The following ACOXL variants were observed in gnomAD, a reference collection of about 807,000 sequenced individuals.
ACOXL encodes the protein acyl-CoA oxidase like.
In ACOXL, 70 loss-of-function variants were observed where a neutral mutation model predicts 71.9. The ratio of observed to expected loss-of-function variants is 0.97; its 90% CI spans 0.80 to 1.19. The LOEUF (loss-of-function observed/expected upper bound fraction) is 1.19, where lower values mean the gene tolerates loss of function less well. ACOXL is among the 50% of genes most tolerant of loss of function. The pLI, the probability that ACOXL is intolerant of heterozygous loss-of-function variation, is 0.00. For missense variants in ACOXL, 703 were observed against 736.3 expected (o/e 0.95, Z 0.52); for synonymous variants, 253 against 281.6 (o/e 0.90, Z 1.02).
At chr2:111,051,555 AC>A (rs2066289399) in intron 16 of ACOXL, among the ~76,000 whole-genome samples, 1 of 151,990 alleles carries the variant, frequency 6.6e-6, no homozygotes, top group Non-Finnish European at 1.5e-5. Flanking sequence ...TGCAACTTCC[AC>A]CTCCTGGGTT....
At chr2:111,063,212 C>T (rs1483382554) in intron 16 of ACOXL, among the ~76,000 whole-genome samples, 1 of 152,040 alleles carries the variant, frequency 6.6e-6, no homozygotes, top group Non-Finnish European at 1.5e-5. Context: ...GAAGAATATC[C>T]ATCAGTTCTT....
At chr2:111,014,785 A>G (rs1409552551) in intron 14 of ACOXL, among the ~76,000 whole-genome samples, 3 of 152,252 alleles carry the variant, frequency 2.0e-5, no homozygotes, top group East Asian at 3.8e-4. Context: ...AGAGAGATCA[A>G]TGGAACACTA....
Position 110,851,659 on chromosome 2 carries a change from A to AGG in ACOXL, c.788+10255_788+10256dup, listed in dbSNP as rs201999134. ...AGGCACCACCTTGTTTTTCACTGCA[A>AGG]GGTGGCTGCAGAGCAGAACCAGTGC... On this transcript the variant is annotated intron_variant, in intron 10 of 17. Transcript: ENST00000439055. Among the ~76,000 whole-genome samples, 122 of 152,280 alleles carry AGG rather than the reference A, an allele frequency of 8.0e-4. 2 individuals are homozygous for AGG. In the East Asian group the frequency reaches 0.021, roughly 26 times the overall value.
At chr2:110,820,718 G>T (rs973588235) in intron 9 of ACOXL, among the ~76,000 whole-genome samples, 4 of 152,198 alleles carry the variant, frequency 2.6e-5, no homozygotes, top group African/African-American at 4.8e-5. Flanking sequence ...TTGTGGCAGT[G>T]CCAGGCAAGG....
intron 9 of ACOXL, among the ~76,000 whole-genome samples, chr2:110,807,655 G>T (rs1316779720): frequency 6.6e-6 from 1 of 152,142 alleles, no homozygotes; most frequent in Non-Finnish European, 1.5e-5. Context: ...GAGCCAGCAG[G>T]GTCCAGGCAC....
intron 8 of ACOXL, 62 bp downstream of exon 8, chr2:110,801,786 G>A: frequency 6.7e-7 from 1 of 1,502,176 alleles, no homozygotes; most frequent in South Asian, 1.1e-5. Flanking sequence ...CTCCAAAGTT[G>A]GCTTGGGTCT....
At chr2:111,043,326 C>T (rs945127123) in intron 15 of ACOXL, among the ~76,000 whole-genome samples, 9 of 152,220 alleles carry the variant, frequency 5.9e-5, no homozygotes, top group African/African-American at 1.2e-4. Context: ...GTCAACCCTC[C>T]GTGTTGATTC....
intron 15 of ACOXL, among the ~76,000 whole-genome samples, chr2:111,048,243 C>G (rs2066113538): frequency 6.6e-6 from 1 of 152,122 alleles, no homozygotes; most frequent in South Asian, 2.1e-4. Context: ...TTGGGATGTT[C>G]AGTTGGAGGA....
chr2:110,925,577 AAG>A (rs1398605582), intron 11 of ACOXL, among the ~76,000 whole-genome samples: 4 of 152,220 alleles, frequency 2.6e-5, no homozygotes, highest in African/African-American at 4.8e-5. Context: ...TGTAGAATTG[AAG>A]AGAGTTATGA....
chr2:110,775,883 T>C (rs1682571688), intron 2 of ACOXL, among the ~76,000 whole-genome samples: 1 of 152,190 alleles, frequency 6.6e-6, no homozygotes. Context: ...AGAATTACAA[T>C]GCGATCCAGA....
Position 110,799,049 on chromosome 2 carries a change from A to C in ACOXL, c.496A>C (p.Asn166His). ...TTTCATCGTTCCTGTCCGGGATGAA[A>C]ACGGAAGCTTGTACCCAGGAGTCAC... ...HCFIVPVRDE[N>H]GSLYPGVTAI... Residue 166 changes from asparagine to histidine, a missense_variant, in exon 7 of 18, where the codon AAC becomes CAC. Transcript: ENST00000439055. 1 of 1,613,918 alleles carries C rather than the reference A, an allele frequency of 6.2e-7. No homozygotes were observed. The highest frequency in any genetic ancestry group is 8.5e-7 in the Non-Finnish European group (1 of 1,179,898).
intron 10 of ACOXL, among the ~76,000 whole-genome samples, chr2:110,865,796 T>C (rs1178950487): frequency 6.6e-6 from 1 of 152,190 alleles, no homozygotes; most frequent in Non-Finnish European, 1.5e-5. Context: ...TATTTTTGCA[T>C]GTAAATGATA....
intron 15 of ACOXL, among the ~76,000 whole-genome samples, chr2:111,047,237 A>T (rs1222553909): frequency 6.6e-6 from 1 of 152,202 alleles, no homozygotes; most frequent in Non-Finnish European, 1.5e-5. Context: ...TGCTATGTCT[A>T]TGATAACGAA....
chr2:110,776,096 G>A (rs1205925311), intron 2 of ACOXL, among the ~76,000 whole-genome samples: 1 of 152,214 alleles, frequency 6.6e-6, no homozygotes, highest in African/African-American at 2.4e-5. Flanking sequence ...CCTTAAAAGG[G>A]AAGGGAATTT....
chr2:110,820,866 A>C (rs1362885217), intron 9 of ACOXL, among the ~76,000 whole-genome samples: 1 of 152,192 alleles, frequency 6.6e-6, no homozygotes, highest in Non-Finnish European at 1.5e-5. Context: ...AACTCTAATC[A>C]AAAAAGCTCA....
chr2:111,006,544 G>T (rs1344563770), intron 14 of ACOXL, among the ~76,000 whole-genome samples: 1 of 151,604 alleles, frequency 6.6e-6, no homozygotes, highest in East Asian at 1.9e-4. Context: ...CTTTTGTTTT[G>T]TGGTGTTTCC....
intron 17 of ACOXL, among the ~76,000 whole-genome samples, chr2:111,097,076 A>G (rs113288832): frequency 4.7e-4 from 71 of 152,248 alleles, no homozygotes; most frequent in African/African-American, 1.7e-3. Flanking sequence ...AATGGCAAAC[A>G]CCTTCAGGGA....
At chr2:110,918,139 C>A (rs1297702113) in intron 11 of ACOXL, among the ~76,000 whole-genome samples, 1 of 152,176 alleles carries the variant, frequency 6.6e-6, no homozygotes, top group Admixed American at 6.5e-5. Flanking sequence ...GGAGGCATCA[C>A]GCTACCTGAC....
chr2:110,976,756 A>G (rs1243840968), intron 12 of ACOXL, among the ~76,000 whole-genome samples: 2 of 152,226 alleles, frequency 1.3e-5, no homozygotes, highest in Admixed American at 1.3e-4. Context: ...TCTGTTCAAC[A>G]GAAAGAAGCA....
Sources: gnomAD v4.1 joint callset for allele counts (sites outside exome capture counted in the v4.1 genomes callset) on GRCh38, gnomAD v4.1.1 for gene constraint, MANE v1.5 for transcripts, NCBI Gene and HGNC (gene_info 2026-07-23, HGNC 2026-07-21) for gene names.